The following SLC25A21 variants were observed in gnomAD, a reference collection of about 807,000 sequenced individuals.
SLC25A21 encodes the protein solute carrier family 25 member 21.
SLC25A21 carries 47 observed loss-of-function variants against 43.8 expected under a neutral mutation model. That is an observed-to-expected ratio of 1.07 (90% CI 0.85 to 1.37). SLC25A21 has a LOEUF of 1.37. Among genes scored for constraint, SLC25A21 ranks in the 40% most tolerant of loss-of-function variants. The pLI, the probability that SLC25A21 is intolerant of heterozygous loss-of-function variation, is 0.00. For missense variants in SLC25A21, 352 were observed against 350.2 expected (o/e 1.00, Z -0.04); for synonymous variants, 131 against 121.3 (o/e 1.08, Z -0.52).
chr14:37,099,874 C>G (rs1476584609), intron 1 of SLC25A21, among the ~76,000 whole-genome samples: 1 of 151,920 alleles, frequency 6.6e-6, no homozygotes, highest in African/African-American at 2.4e-5. Context: ...ACTCCAAACA[C>G]CACACTTACT....
chr14:36,776,698 G>A (rs1455197813), intron 3 of SLC25A21, among the ~76,000 whole-genome samples: 1 of 151,996 alleles, frequency 6.6e-6, no homozygotes, highest in Non-Finnish European at 1.5e-5. Flanking sequence ...TCTTCCAGGT[G>A]GTATTTGCAA....
intron 1 of SLC25A21, among the ~76,000 whole-genome samples, chr14:37,043,181 A>C (rs1961511051): frequency 6.6e-6 from 1 of 151,972 alleles, no homozygotes; most frequent in African/African-American, 2.4e-5. Flanking sequence ...TCCACCTTTC[A>C]CCTAGTTCAG....
chr14:36,750,112 C>T (rs1410575238), intron 3 of SLC25A21, among the ~76,000 whole-genome samples: 2 of 152,162 alleles, frequency 1.3e-5, no homozygotes, highest in Admixed American at 6.5e-5. Flanking sequence ...GTTATATTCC[C>T]ACTGACGCAG....
chr14:36,985,993 A>G (rs1158024774), intron 1 of SLC25A21, among the ~76,000 whole-genome samples: 1 of 152,146 alleles, frequency 6.6e-6, no homozygotes, highest in African/African-American at 2.4e-5. Flanking sequence ...AATATAAGAC[A>G]CTACAAAGCT....
intron 1 of SLC25A21, among the ~76,000 whole-genome samples, chr14:37,047,583 C>A (rs568588103): frequency 6.6e-6 from 1 of 152,122 alleles, no homozygotes; most frequent in Admixed American, 6.5e-5. Context: ...TCAAACAGCA[C>A]GATCATTCCA....
intron 2 of SLC25A21, among the ~76,000 whole-genome samples, chr14:36,864,283 G>T (rs577616538): frequency 2.2e-4 from 33 of 152,310 alleles, no homozygotes; most frequent in African/African-American, 7.9e-4. Context: ...GCATTTTAAA[G>T]CACATATTAA....
Position 36,679,225 on chromosome 14 carries a change from A to T in SLC25A21, c.*1433T>A. ...TTGTTTTTAATGACCCTTTTATTGA[A>T]TATTGGACTGAAATATAAATTTTAA... On this transcript the variant is annotated 3_prime_UTR_variant, in exon 10 of 10. Transcript: ENST00000331299. 1 of 984,534 alleles carries T rather than the reference A, an allele frequency of 1.0e-6. No individual in the cohort carries two copies. The highest frequency in any genetic ancestry group is 1.2e-6 in the Non-Finnish European group (1 of 829,186). 61.0% of individuals were successfully genotyped at this position (984,534 alleles called of 1,614,324 possible). A position where few individuals can be genotyped will look rare whatever the true frequency, so the allele number is the denominator to read the frequency against.
chr14:36,894,469 A>G (rs2138587637), intron 1 of SLC25A21, among the ~76,000 whole-genome samples: 1 of 152,270 alleles, frequency 6.6e-6, no homozygotes, highest in Non-Finnish European at 1.5e-5. Context: ...TAGATATACA[A>G]TCATGTCATC....
chr14:37,052,450 T>C (rs1343266512), intron 1 of SLC25A21, among the ~76,000 whole-genome samples: 1 of 152,232 alleles, frequency 6.6e-6, no homozygotes, highest in African/African-American at 2.4e-5. Context: ...TTGGAACTAA[T>C]GTTTTAGAAT....
chr14:37,014,253 G>C (rs781576281), intron 1 of SLC25A21, among the ~76,000 whole-genome samples: 22 of 152,074 alleles, frequency 1.4e-4, no homozygotes, highest in Non-Finnish European at 2.9e-4. Context: ...AATGCCTTTT[G>C]AGACCATTTT....
intron 1 of SLC25A21, among the ~76,000 whole-genome samples, chr14:36,905,720 C>A (rs1359025065): frequency 6.6e-6 from 1 of 151,884 alleles, no homozygotes; most frequent in East Asian, 1.9e-4. Context: ...AGGCTAGCAA[C>A]ATAAAAAGCA....
At chr14:36,793,354 G>A (rs1275197139) in intron 3 of SLC25A21, among the ~76,000 whole-genome samples, 1 of 151,972 alleles carries the variant, frequency 6.6e-6, no homozygotes, top group African/African-American at 2.4e-5. Context: ...GGAAACACAT[G>A]AATAATGGAA....
intron 1 of SLC25A21, among the ~76,000 whole-genome samples, chr14:36,986,177 C>A (rs72667342): frequency 0.01 from 1,537 of 152,184 alleles, 25 homozygotes; most frequent in African/African-American, 0.035. Context: ...ATCATATATA[C>A]ACACATATCT....
intron 1 of SLC25A21, among the ~76,000 whole-genome samples, chr14:36,883,623 G>A (rs1890821441): frequency 6.6e-6 from 1 of 152,066 alleles, no homozygotes; most frequent in East Asian, 1.9e-4. Flanking sequence ...GAACATGCCT[G>A]GCACCTAGTA....
intron 2 of SLC25A21, chr14:36,870,349 G>C (rs1890334369): frequency 6.6e-6 from 1 of 152,226 alleles, no homozygotes; most frequent in African/African-American, 2.4e-5. Context: ...GGTGTCATCA[G>C]TGTTGGCTCC....
chr14:36,929,766 A>G (rs1377744710), intron 1 of SLC25A21, among the ~76,000 whole-genome samples: 2 of 152,190 alleles, frequency 1.3e-5, no homozygotes, highest in African/African-American at 4.8e-5. Flanking sequence ...CAAGAAGGCC[A>G]CCGTCAATTC....
At chr14:37,162,838 A>T (rs1963968831) in intron 1 of SLC25A21, among the ~76,000 whole-genome samples, 1 of 152,154 alleles carries the variant, frequency 6.6e-6, no homozygotes, top group Non-Finnish European at 1.5e-5. Context: ...AGACACATGC[A>T]CATGTATGTT....
At chr14:37,111,039 G>T (rs985498878) in intron 1 of SLC25A21, among the ~76,000 whole-genome samples, 35 of 152,210 alleles carry the variant, frequency 2.3e-4, no homozygotes, top group Admixed American at 1.4e-3. Flanking sequence ...GGAATGAGAA[G>T]ACATGAATTC....
At chr14:36,784,601 C>T (rs1887184753) in intron 3 of SLC25A21, among the ~76,000 whole-genome samples, 1 of 152,178 alleles carries the variant, frequency 6.6e-6, no homozygotes, top group Non-Finnish European at 1.5e-5. Flanking sequence ...TAGATTAGAG[C>T]ACATCTCTTC....
Sources: gnomAD v4.1 joint callset for allele counts (sites outside exome capture counted in the v4.1 genomes callset) on GRCh38, gnomAD v4.1.1 for gene constraint, MANE v1.5 for transcripts, NCBI Gene and HGNC (gene_info 2026-07-23, HGNC 2026-07-21) for gene names.